The following WDPCP variants were observed in gnomAD, a reference collection of about 807,000 sequenced individuals.
WDPCP encodes the protein WD repeat-containing and planar cell polarity effector protein fritz homolog.
WDPCP carries 71 observed loss-of-function variants against 93.1 expected under a neutral mutation model. The ratio of observed to expected loss-of-function variants is 0.76; its 90% CI spans 0.63 to 0.93. The LOEUF is 0.93. WDPCP is among the 40% of genes least tolerant of loss of function. The probability of loss-of-function intolerance (pLI) is 0.00; values close to 1 mark genes in which losing one functional copy is unlikely to be tolerated. For missense variants in WDPCP, 844 were observed against 887.4 expected, an observed-to-expected ratio of 0.95 and a Z score of 0.62; for synonymous variants, 315 against 315.0, an observed-to-expected ratio of 1.00 and a Z score of 0.00.
chr2:63,621,974 C>A (rs1709742780), intron 3 of WDPCP, among the ~76,000 whole-genome samples: 1 of 151,708 alleles, frequency 6.6e-6, no homozygotes, highest in South Asian at 2.1e-4. Flanking sequence ...TGCACTGCAC[C>A]CACTAACTCG....
chr2:63,307,862 G>A (rs551002267), intron 13 of WDPCP, among the ~76,000 whole-genome samples: 24 of 152,206 alleles, frequency 1.6e-4, no homozygotes, highest in South Asian at 6.2e-4. Context: ...AACAAAAGCC[G>A]AAATTGACAA....
chr2:63,796,895 C>T (rs1039347880), intron 2 of WDPCP, among the ~76,000 whole-genome samples: 1 of 152,170 alleles, frequency 6.6e-6, no homozygotes, highest in Non-Finnish European at 1.5e-5. Context: ...CACCACCCCT[C>T]TCCCAACCCC....
chr2:63,442,081 C>T (rs142088646), intron 6 of WDPCP: 179 of 152,170 alleles, frequency 1.2e-3, no homozygotes, highest in African/African-American at 4.0e-3. Context: ...ATACAACTGA[C>T]TCCCTACAAC....
chr2:63,672,076 C>T (rs182402733), intron 2 of WDPCP, among the ~76,000 whole-genome samples: 59 of 152,300 alleles, frequency 3.9e-4, no homozygotes, highest in Middle Eastern at 3.4e-3. Flanking sequence ...CATGTATGAT[C>T]TCTACATTAT....
chr2:63,394,159 T>C (rs1693520302), intron 10 of WDPCP, among the ~76,000 whole-genome samples: 1 of 152,110 alleles, frequency 6.6e-6, no homozygotes, highest in African/African-American at 2.4e-5. Context: ...AAAGGTTTAG[T>C]ATCCAGAATC....
At chr2:63,263,160 T>A (rs1246336789) in intron 13 of WDPCP, among the ~76,000 whole-genome samples, 2 of 152,200 alleles carry the variant, frequency 1.3e-5, no homozygotes, top group African/African-American at 4.8e-5. Context: ...ATATCTAGTA[T>A]CTATATCACC....
intron 2 of WDPCP, among the ~76,000 whole-genome samples, chr2:63,673,379 G>A (rs1710368849): frequency 6.6e-6 from 1 of 152,180 alleles, no homozygotes. Flanking sequence ...CTTGACACAT[G>A]TGAAAGGAGA....
intron 2 of WDPCP, among the ~76,000 whole-genome samples, chr2:63,745,060 T>C (rs1669774866): frequency 6.6e-6 from 1 of 152,150 alleles, no homozygotes; most frequent in African/African-American, 2.4e-5. Flanking sequence ...TTATGTTTAG[T>C]CTGGTTGTTC....
chr2:63,482,025 A>G (rs1427928517), intron 6 of WDPCP, among the ~76,000 whole-genome samples: 1 of 152,078 alleles, frequency 6.6e-6, no homozygotes, highest in Non-Finnish European at 1.5e-5. Context: ...GACGGGAATT[A>G]GTTTTTAAAT....
intron 2 of WDPCP, among the ~76,000 whole-genome samples, chr2:63,796,414 C>T (rs547018248): frequency 6.6e-6 from 1 of 152,236 alleles, no homozygotes; most frequent in African/African-American, 2.4e-5. Context: ...ATCAGGTGAG[C>T]AATCACAGTA....
intron 6 of WDPCP, among the ~76,000 whole-genome samples, chr2:63,453,293 C>A (rs531939360): frequency 1.1e-3 from 170 of 152,026 alleles, no homozygotes; most frequent in African/African-American, 2.0e-3. Context: ...GGATATGAAC[C>A]GACACTTCTC....
chr2:63,304,125 C>G (rs1237968132), intron 13 of WDPCP, among the ~76,000 whole-genome samples: 1 of 152,110 alleles, frequency 6.6e-6, no homozygotes, highest in Non-Finnish European at 1.5e-5. Flanking sequence ...ACCCAGCAAT[C>G]CCACAACTGG....
upstream of WDPCP, chr2:63,590,397 T>C (rs566218296): frequency 1.2e-4 from 18 of 152,172 alleles, no homozygotes; most frequent in South Asian, 2.1e-3. Context: ...ATTTTTATTT[T>C]TATAGGGACC....
At chr2:63,710,811 C>T (rs566813045) in intron 2 of WDPCP, among the ~76,000 whole-genome samples, 4 of 152,082 alleles carry the variant, frequency 2.6e-5, no homozygotes, top group Admixed American at 1.3e-4. Flanking sequence ...TGGATAATCC[C>T]CATGTGGGAA....
At chr2:63,643,804 G>A in intron 3 of WDPCP, 1 of 541,806 alleles carries the variant, frequency 1.8e-6, no homozygotes, top group South Asian at 1.4e-5. Flanking sequence ...AAGCAGGGTA[G>A]GTTACATCAG....
In WDPCP at chr2:63,787,531, T is replaced by C. The variant is rs556002010; in HGVS notation, n.308+26091A>G. On this transcript the variant is annotated intron_variant and non_coding_transcript_variant, in intron 2 of 4. Transcript: ENST00000467687. ...CCTCATTAATTAAGGGCATTGAAAC[T>C]ATGAAGAATCAAATGTGACTGATTT... 3.6e-4 allele frequency among the ~76,000 whole-genome samples: 55 copies of C among 152,304 alleles called. 1 individual carries two copies. The highest frequency in any genetic ancestry group is 1.2e-3 in the African/African-American group (51 of 41,564).
intron 12 of WDPCP, 47 bp from the exon 13 acceptor site, chr2:63,313,358 T>C (rs1052129968): frequency 1.3e-6 from 2 of 1,556,960 alleles, no homozygotes; most frequent in Non-Finnish European, 8.8e-7. Flanking sequence ...CAAGAATATA[T>C]AAAAGAAAAG....
intron 3 of WDPCP, among the ~76,000 whole-genome samples, chr2:63,610,749 A>C (rs1300644031): frequency 6.6e-6 from 1 of 152,180 alleles, no homozygotes; most frequent in African/African-American, 2.4e-5. Context: ...AAATTATAAC[A>C]CACTGTTCTG....
intron 6 of WDPCP, among the ~76,000 whole-genome samples, chr2:63,469,429 A>T (rs1051119988): frequency 2.0e-5 from 3 of 152,238 alleles, no homozygotes; most frequent in Non-Finnish European, 4.4e-5. Context: ...TCACAATAGC[A>T]AAGACATGGA....
Sources: gnomAD v4.1 joint callset for allele counts (sites outside exome capture counted in the v4.1 genomes callset) on GRCh38, gnomAD v4.1.1 for gene constraint, MANE v1.5 for transcripts, NCBI Gene and HGNC (gene_info 2026-07-23, HGNC 2026-07-21) for gene names.